Variants in ERC2 observed in about 807,000 individuals in gnomAD.
ERC2 encodes ERC protein 2.
Under a neutral mutation model 114.8 loss-of-function variants are expected in ERC2, and 42 were observed. The observed-to-expected ratio is 0.37, with a 90% CI of 0.29 to 0.47. The LOEUF (loss-of-function observed/expected upper bound fraction) is 0.47. Ranked by LOEUF, ERC2 falls within the 20% of genes least tolerant of loss-of-function variation. The pLI is 0.99. For missense variants in ERC2, 939 were observed against 1,150.7 expected (o/e 0.82, Z 2.66); for synonymous variants, 454 against 425.5 (o/e 1.07, Z -0.82).
intron 15 of ERC2, among the ~76,000 whole-genome samples, chr3:55,715,087 CTTTTAAAATTCCAA>C (rs1214704423): frequency 6.6e-6 from 1 of 152,138 alleles, no homozygotes; most frequent in Non-Finnish European, 1.5e-5. Context: ...CCACCTTAAT[CTTTTAAAATTCCAA>C]TTTCTCCTAA....
At chr3:55,605,051 A>C (rs1490516406) in intron 17 of ERC2, among the ~76,000 whole-genome samples, 4 of 152,180 alleles carry the variant, frequency 2.6e-5, no homozygotes, top group Non-Finnish European at 5.9e-5. Flanking sequence ...CACTTAGAGA[A>C]CCTGTTTAAA....
At chr3:56,065,325 C>G (rs924136487) in intron 7 of ERC2, among the ~76,000 whole-genome samples, 2 of 152,010 alleles carry the variant, frequency 1.3e-5, no homozygotes, top group Non-Finnish European at 2.9e-5. Context: ...CGGACTCAAG[C>G]AATCCTCCCA....
intron 4 of ERC2, among the ~76,000 whole-genome samples, chr3:56,171,016 G>A (rs920757536): frequency 2.6e-5 from 4 of 151,930 alleles, no homozygotes; most frequent in African/African-American, 4.8e-5. Context: ...CGCCTGCCTC[G>A]GCCTCCCAAA....
chr3:56,133,678 T>C (rs116512861), intron 6 of ERC2, among the ~76,000 whole-genome samples: 621 of 152,298 alleles, frequency 4.1e-3, no homozygotes, highest in Non-Finnish European at 6.7e-3. Flanking sequence ...ACTTCACAAG[T>C]GGTGAGTCAG....
At chr3:56,072,904 A>C (rs1354555347) in intron 7 of ERC2, among the ~76,000 whole-genome samples, 3 of 152,166 alleles carry the variant, frequency 2.0e-5, no homozygotes, top group African/African-American at 7.2e-5. Flanking sequence ...CCCCTAACAA[A>C]TTAGTCGATA....
At chr3:56,428,539 G>A in intron 2 of ERC2, among the ~76,000 whole-genome samples, 1 of 114,860 alleles carries the variant, frequency 8.7e-6, no homozygotes, top group Admixed American at 9.2e-5. Flanking sequence ...AAAGAAGGCA[G>A]AAAGGAAGGA....
chr3:56,220,257 C>T (rs1413724416), intron 3 of ERC2, among the ~76,000 whole-genome samples: 4 of 152,118 alleles, frequency 2.6e-5, no homozygotes, highest in Admixed American at 6.5e-5. Context: ...GGTTCTGTTA[C>T]GTCATGCCAT....
At chr3:55,675,900 T>TTTC (rs1559484980) in intron 17 of ERC2, among the ~76,000 whole-genome samples, 11 of 92,040 alleles carry the variant, frequency 1.2e-4, no homozygotes, top group Non-Finnish European at 1.6e-4. Context: ...TTCTCTTTTC[T>TTTC]TTCTTTTTTT....
rs539898699 is a variant in ERC2, at chr3:56,315,392, T to C, written c.658-18957A>G. Among the ~76,000 whole-genome samples the C allele has an allele frequency of 2.6e-5, 4 of 152,296 alleles. No homozygotes were observed. The South Asian group carries it at 8.3e-4, about 32-fold the overall frequency. On this transcript the variant is annotated intron_variant, in intron 2 of 17. Coordinates refer to ENST00000288221, the MANE Select transcript of ERC2 (RefSeq NM_015576.3). ...GCAAAAACCAGAAAAAAGGAAATGGTTGTTTTGCAGATACCATCACCGAAA... is the reference window on the plus strand; with the variant it reads ...GCAAAAACCAGAAAAAAGGAAATGGCTGTTTTGCAGATACCATCACCGAAA...
At chr3:56,268,323 T>C (rs2053454065) in intron 3 of ERC2, among the ~76,000 whole-genome samples, 1 of 152,214 alleles carries the variant, frequency 6.6e-6, no homozygotes, top group African/African-American at 2.4e-5. Flanking sequence ...GTAAGTATAC[T>C]CTACAATGTT....
rs538176868 is a variant in ERC2, at chr3:56,032,951, GAA to G, written c.1642-13922_1642-13921del. Among the ~76,000 whole-genome samples, 50 of 56,796 alleles carry G rather than the reference GAA, an allele frequency of 8.8e-4. 1 individual carries two copies. The highest frequency in any genetic ancestry group is 2.5e-3 in the African/African-American group (42 of 16,790). 37.3% of individuals were successfully genotyped at this position (56,796 alleles called of 152,430 possible). A position where few individuals can be genotyped will look rare whatever the true frequency, so the allele number is the denominator to read the frequency against. On this transcript the variant is annotated intron_variant, in intron 7 of 17. Transcript: ENST00000288221. ...AGAAAGAAAGAAAGAAAGAAAGAAA[GAA>G]AGAAACAGAAAGAAAGAAAGAAAGA...
chr3:55,549,477 CTTTTTT>C (rs11404043), intron 17 of ERC2, among the ~76,000 whole-genome samples: 3 of 123,226 alleles, frequency 2.4e-5, no homozygotes, highest in Admixed American at 8.9e-5. Context: ...GCCGCCTTAC[CTTTTTT>C]TTTTTTTTTT....
chr3:56,099,987 G>A (rs1272130354), intron 6 of ERC2, among the ~76,000 whole-genome samples: 2 of 151,718 alleles, frequency 1.3e-5, no homozygotes, highest in Non-Finnish European at 2.9e-5. Context: ...ACTCTTATTG[G>A]GGAGAAAAAA....
chr3:55,561,673 G>A (rs1225676845), intron 17 of ERC2, among the ~76,000 whole-genome samples: 2 of 151,990 alleles, frequency 1.3e-5, no homozygotes, highest in Non-Finnish European at 2.9e-5. Flanking sequence ...TGGGCTACTC[G>A]CTTTTTTTCT....
At chr3:55,524,878 A>G (rs1042785346) in intron 17 of ERC2, among the ~76,000 whole-genome samples, 7 of 152,202 alleles carry the variant, frequency 4.6e-5, no homozygotes, top group African/African-American at 1.4e-4. Flanking sequence ...AAGCAGAAGA[A>G]ATTAGCTGAG....
chr3:55,787,884 C>T (rs748244699), intron 14 of ERC2, among the ~76,000 whole-genome samples: 1 of 152,156 alleles, frequency 6.6e-6, no homozygotes. Flanking sequence ...ACCTATTAGT[C>T]CCTAATAAGA....
intron 6 of ERC2, among the ~76,000 whole-genome samples, chr3:56,129,914 A>C (rs758485386): frequency 1.3e-5 from 2 of 152,210 alleles, no homozygotes; most frequent in African/African-American, 2.4e-5. Flanking sequence ...GTCAAATAAC[A>C]TCCTAATGAG....
At chr3:56,110,952 C>A (rs2078925601) in intron 6 of ERC2, among the ~76,000 whole-genome samples, 2 of 152,030 alleles carry the variant, frequency 1.3e-5, no homozygotes, top group Admixed American at 1.3e-4. Flanking sequence ...TGGAATACTC[C>A]TAGTTCTTTT....
chr3:56,311,231 T>TTCTCTCTCTC (rs370683995), intron 2 of ERC2, among the ~76,000 whole-genome samples: 29 of 96,302 alleles, frequency 3.0e-4, no homozygotes, highest in South Asian at 8.2e-4. Context: ...ATCCATCATC[T>TTCTCTCTCTC]TCTCTCTCTC....
Sources: gnomAD v4.1 joint callset for allele counts (sites outside exome capture counted in the v4.1 genomes callset) on GRCh38, gnomAD v4.1.1 for gene constraint, MANE v1.5 for transcripts, NCBI Gene and HGNC (gene_info 2026-07-23, HGNC 2026-07-21) for gene names.